The following GULP1 variants were observed in gnomAD, a reference collection of about 807,000 sequenced individuals.
The protein encoded by GULP1 is PTB domain-containing engulfment adapter protein 1.
Under a neutral mutation model 40.9 loss-of-function variants are expected in GULP1, and 19 were observed. The ratio of observed to expected loss-of-function variants is 0.46; its 90% confidence interval spans 0.32 to 0.68. The LOEUF (loss-of-function observed/expected upper bound fraction) is 0.68, where lower values mean the gene tolerates loss of function less well. Ranked by LOEUF, GULP1 falls within the 30% of genes least tolerant of loss-of-function variation. The probability of loss-of-function intolerance (pLI) is 0.03; values close to 1 mark genes in which losing one functional copy is unlikely to be tolerated. For missense variants in GULP1, 312 were observed against 362.2 expected (o/e 0.86, Z 1.12); for synonymous variants, 119 against 117.6 (o/e 1.01, Z -0.08).
intron 2 of GULP1, among the ~76,000 whole-genome samples, chr2:188,389,121 A>C (rs2152538741): frequency 6.6e-6 from 1 of 152,312 alleles, no homozygotes; most frequent in South Asian, 2.1e-4. Context: ...TGTTGATGAC[A>C]GGCACAGAAA....
rs796700260 is a variant in GULP1, at chr2:188,524,925, A to G, written c.162+2098A>G. On this transcript the variant is annotated intron_variant, in intron 5 of 11. Coordinates refer to ENST00000409830, the MANE Select transcript of GULP1 (RefSeq NM_016315.4). ...ATTTACTCCTTTTTCAGCAATATTA[A>G]TGTAATGGCTTCTGATATTAAAAAA... Among the ~76,000 whole-genome samples, 26 of 151,938 alleles carry G rather than the reference A, an allele frequency of 1.7e-4. No individual in the cohort carries two copies. The East Asian group carries it at 5.0e-3, about 29-fold the overall frequency.
At chr2:188,392,569 G>A (rs927116426) in intron 2 of GULP1, among the ~76,000 whole-genome samples, 2 of 151,650 alleles carry the variant, frequency 1.3e-5, no homozygotes, top group Non-Finnish European at 3.0e-5. Context: ...TTTATCATTT[G>A]TATTGTTTTC....
intron 2 of GULP1, among the ~76,000 whole-genome samples, chr2:188,408,452 A>G (rs112309238): frequency 2.8e-4 from 43 of 152,302 alleles, no homozygotes; most frequent in African/African-American, 9.9e-4. Context: ...AAAGGGACCA[A>G]TTCATCAATA....
At chr2:188,297,559 T>A in intron 1 of GULP1, 1 of 437,034 alleles carries the variant, frequency 2.3e-6, no homozygotes, top group South Asian at 1.7e-5. Context: ...AGGCAAAGTT[T>A]AAGATCCTTG....
intron 1 of GULP1, among the ~76,000 whole-genome samples, chr2:188,372,001 A>AAAT (rs2047663424): frequency 1.7e-5 from 1 of 59,286 alleles, no homozygotes. Context: ...TAGCTACATC[A>AAAT]TTGATTTTTC....
At chr2:188,374,788 C>A (rs1381051045) in intron 1 of GULP1, among the ~76,000 whole-genome samples, 1 of 150,568 alleles carries the variant, frequency 6.6e-6, no homozygotes, top group African/African-American at 2.4e-5. Context: ...AAAGGAAATT[C>A]AGGGTGCTAT....
Position 188,322,626 on chromosome 2 carries a change from C to G in GULP1, c.-172+30460C>G, listed in dbSNP as rs139630150. Among the ~76,000 whole-genome samples the G allele has an allele frequency of 3.7e-3, 567 of 152,190 alleles. 3 individuals carry two copies. The highest frequency in any genetic ancestry group is 0.013 in the African/African-American group (533 of 41,532). On this transcript the variant is annotated intron_variant, in intron 1 of 11. Coordinates refer to ENST00000409830, the MANE Select transcript of GULP1 (RefSeq NM_016315.4). ...CAATTCTTCTCTACCTTTGTTATTT[C>G]AGCTGTTTTATAAAGGTTTATTTTG...
chr2:188,545,676 AAGAT>A (rs1265416809), intron 7 of GULP1, among the ~76,000 whole-genome samples: 2 of 151,888 alleles, frequency 1.3e-5, no homozygotes, highest in African/African-American at 4.8e-5. Context: ...AGAAAGAAAA[AAGAT>A]AGGTAACAGA....
chr2:188,450,978 A>G (rs2058793620), intron 2 of GULP1, among the ~76,000 whole-genome samples: 2 of 152,142 alleles, frequency 1.3e-5, no homozygotes, highest in South Asian at 2.1e-4. Flanking sequence ...CTTCACCTTC[A>G]CCTTTCAGCA....
chr2:188,463,688 AT>A (rs1342328828), intron 2 of GULP1, among the ~76,000 whole-genome samples: 2 of 148,162 alleles, frequency 1.3e-5, no homozygotes, highest in Admixed American at 6.7e-5. Context: ...CATTGTTTTT[AT>A]TTTTTTTTCT....
chr2:188,574,430 C>A (rs1430942420), intron 9 of GULP1, among the ~76,000 whole-genome samples: 2 of 151,964 alleles, frequency 1.3e-5, no homozygotes, highest in African/African-American at 4.8e-5. Flanking sequence ...TGGAGACCAG[C>A]CTAGGCAACA....
intron 5 of GULP1, among the ~76,000 whole-genome samples, chr2:188,525,262 A>C (rs905456736): frequency 2.0e-5 from 3 of 152,096 alleles, no homozygotes; most frequent in South Asian, 2.1e-4. Context: ...TTGGTGGCAC[A>C]CACCTGTAAT....
intron 2 of GULP1, among the ~76,000 whole-genome samples, chr2:188,414,038 G>A (rs2054248210): frequency 6.6e-6 from 1 of 151,950 alleles, no homozygotes; most frequent in Non-Finnish European, 1.5e-5. Context: ...CCAACATGGT[G>A]AAACCCCATC....
At chr2:188,535,848 A>T (rs1688808741) in intron 6 of GULP1, among the ~76,000 whole-genome samples, 1 of 151,940 alleles carries the variant, frequency 6.6e-6, no homozygotes, top group Admixed American at 6.6e-5. Context: ...TCATATCCTC[A>T]CCAGCATCTG....
At chr2:188,306,152 A>T (rs2037049511) in intron 1 of GULP1, among the ~76,000 whole-genome samples, 1 of 152,206 alleles carries the variant, frequency 6.6e-6, no homozygotes, top group Admixed American at 6.5e-5. Context: ...AACCTAAGAT[A>T]TAAAATTACT....
chr2:188,379,775 T>G (rs1001104532), intron 1 of GULP1, among the ~76,000 whole-genome samples: 2 of 152,176 alleles, frequency 1.3e-5, no homozygotes, highest in Non-Finnish European at 2.9e-5. Flanking sequence ...TATTCTATTT[T>G]AAAATAAAAT....
Position 188,302,507 on chromosome 2 carries a change from A to G in GULP1, c.-172+10341A>G, listed in dbSNP as rs1032095327. Among the ~76,000 whole-genome samples, 7 of 152,186 alleles carry G rather than the reference A, an allele frequency of 4.6e-5. No homozygotes were observed. In the East Asian group the frequency reaches 7.7e-4, roughly 17 times the overall value. ...AAACTTACAGTGTGATGTTAAGACT[A>G]ATTAGTAACTATTTAAATATAGAAG... On this transcript the variant is annotated intron_variant, in intron 1 of 11. Coordinates refer to ENST00000409830, the MANE Select transcript of GULP1 (RefSeq NM_016315.4).
At chr2:188,456,359 C>T (rs530232464) in intron 2 of GULP1, among the ~76,000 whole-genome samples, 2 of 152,256 alleles carry the variant, frequency 1.3e-5, no homozygotes, top group African/African-American at 4.8e-5. Flanking sequence ...GCCTGAGGTC[C>T]CCGTGCTGTG....
chr2:188,450,946 C>T (rs2058790696), intron 2 of GULP1, among the ~76,000 whole-genome samples: 1 of 152,124 alleles, frequency 6.6e-6, no homozygotes, highest in Non-Finnish European at 1.5e-5. Flanking sequence ...CTGACTTCTG[C>T]CAAGCAAGTA....
Sources: allele counts gnomAD v4.1 joint callset (sites outside exome capture counted in the v4.1 genomes callset), GRCh38; gene constraint gnomAD v4.1.1; transcripts MANE v1.5; gene names NCBI Gene and HGNC (gene_info 2026-07-23, HGNC 2026-07-21).